Variants in TRAIP observed in about 807,000 individuals in gnomAD.
TRAIP encodes TRAF interacting protein.
In TRAIP, 37 loss-of-function variants were observed where a neutral mutation model predicts 65.0. The observed-to-expected ratio is 0.57, with a 90% CI of 0.44 to 0.75. The LOEUF is 0.75. TRAIP is among the 30% of genes least tolerant of loss of function. The pLI is 0.00. For synonymous variants in TRAIP, 187 were observed against 219.1 expected (o/e 0.85, Z 1.29); for missense variants, 481 against 579.4 (o/e 0.83, Z 1.74).
At chr3:49,840,039 G>A (rs1426372555) in intron 9 of TRAIP, among the ~76,000 whole-genome samples, 179 bp from the exon 10 acceptor site, 1 of 152,212 alleles carries the variant, frequency 6.6e-6, no homozygotes, top group Non-Finnish European at 1.5e-5. Flanking sequence ...TCTGATAAGG[G>A]ACCTCAGGGA....
At chr3:49,831,469 C>T (rs947196598) in intron 11 of TRAIP, among the ~76,000 whole-genome samples, 1 of 152,212 alleles carries the variant, frequency 6.6e-6, no homozygotes, top group Non-Finnish European at 1.5e-5. Context: ...TCATGCTTGC[C>T]CCTGTGGGTC....
intron 10 of TRAIP, among the ~76,000 whole-genome samples, chr3:49,833,730 C>T (rs910353130): frequency 1.3e-5 from 2 of 152,174 alleles, no homozygotes; most frequent in Non-Finnish European, 2.9e-5. Flanking sequence ...CTGCCCACCT[C>T]GGCCTCCCAA....
At chr3:49,832,700 C>CTGGGGGG (rs2081745257) in intron 10 of TRAIP, among the ~76,000 whole-genome samples, 1 of 6,096 alleles carries the variant, frequency 1.6e-4, no homozygotes, top group Non-Finnish European at 2.9e-4. Flanking sequence ...TTTTATAACA[C>CTGGGGGG]GGGGGGGGGG....
chr3:49,842,414 G>A (rs758351488), intron 6 of TRAIP, 39 bp downstream of exon 6: 1 of 1,595,094 alleles, frequency 6.3e-7, no homozygotes, highest in Non-Finnish European at 8.6e-7. Flanking sequence ...GCAGGCCCTG[G>A]GGGCAAAGGC....
chr3:49,835,710 T>C (rs1312439373), intron 10 of TRAIP, among the ~76,000 whole-genome samples: 1 of 151,812 alleles, frequency 6.6e-6, no homozygotes, highest in African/African-American at 2.4e-5. Context: ...GAGGCCGAGG[T>C]GGGTGGATCA....
intron 9 of TRAIP, 85 bp from the exon 10 acceptor site, chr3:49,839,945 G>T: frequency 2.2e-6 from 3 of 1,375,490 alleles, no homozygotes; most frequent in Non-Finnish European, 3.1e-6. Flanking sequence ...CAGCATGCAT[G>T]AAAGGCCAGC....
At chr3:49,854,647 T>G (rs1465031142) in intron 1 of TRAIP, among the ~76,000 whole-genome samples, 1 of 152,176 alleles carries the variant, frequency 6.6e-6, no homozygotes, top group East Asian at 1.9e-4. Context: ...CAGAATCGAC[T>G]AAAGACAATA....
intron 2 of TRAIP, 142 bp downstream of exon 2, chr3:49,848,001 G>T: frequency 1.1e-6 from 1 of 880,902 alleles, no homozygotes; most frequent in Non-Finnish European, 1.8e-6. Flanking sequence ...ACACTCAAGG[G>T]CACAAGTGAG....
Position 49,829,484 on chromosome 3 carries a change from C to A in TRAIP, c.1261G>T (p.Gly421Cys). Residue 421 changes from glycine to cysteine, a missense_variant, in exon 14 of 15, where the codon GGT (glycine) becomes TGT (cysteine). Transcript: ENST00000331456. ...GGCTGGATGAATTTTGTCCGGCCAC[C>A]GAGCCCATCGAAGCCTGTCCTTACC... ...DVVRTGFDGLGGRTKFIQPTD... is the reference protein window; with the variant it reads ...DVVRTGFDGLCGRTKFIQPTD... 1 of 1,614,154 alleles carries A rather than the reference C, an allele frequency of 6.2e-7. No homozygotes were observed.
chr3:49,828,892 C>T lies in TRAIP; in HGVS notation c.*211G>A. 1 of 600,678 alleles carries T rather than the reference C, an allele frequency of 1.7e-6. No individual in the cohort carries two copies. Among genetic ancestry groups the T allele is most frequent in the Non-Finnish European group, 2.9e-6 (1 of 340,394 alleles). The allele number at this position is 600,678 out of a possible 1,614,324, so 37.2% of individuals were successfully genotyped here. A position where few individuals can be genotyped will look rare whatever the true frequency, so the allele number is the denominator to read the frequency against. ...AGGACCTGCTGACAGGATCAGTGGG[C>T]TGGTCATGTCAGCTCCCAGTCGTAG... On this transcript the variant is annotated 3_prime_UTR_variant, in exon 15 of 15. Transcript: ENST00000331456.
intron 1 of TRAIP, 134 bp downstream of exon 1, chr3:49,856,222 G>A: frequency 2.7e-6 from 2 of 740,520 alleles, no homozygotes; most frequent in South Asian, 3.7e-5. Context: ...GGAAGCTCCC[G>A]TGGGGCCTCG....
chr3:49,841,085 C>T lies in TRAIP; in HGVS notation c.618-13G>A. ...ATTCTCGTACTCTCTGCAATGTGGCCATGGAAAGAGATGCCAGAAAAGAAC... is the reference window on the plus strand; with the variant it reads ...ATTCTCGTACTCTCTGCAATGTGGCTATGGAAAGAGATGCCAGAAAAGAAC... On this transcript the variant is annotated splice_polypyrimidine_tract_variant and intron_variant, in intron 7 of 14. Coordinates refer to ENST00000331456, the MANE Select transcript of TRAIP (RefSeq NM_005879.3). The T allele has an allele frequency of 6.2e-7, 1 of 1,613,142 alleles. No homozygotes were observed. Among genetic ancestry groups the T allele is most frequent in the Non-Finnish European group, 8.5e-7 (1 of 1,179,080 alleles).
intron 8 of TRAIP, 44 bp downstream of exon 8, chr3:49,840,941 A>G: frequency 6.3e-7 from 1 of 1,578,290 alleles, no homozygotes. Flanking sequence ...ACATGACAAA[A>G]GGAGAGCCAC....
At position 49,856,480 on chromosome 3, in the gene TRAIP, A is replaced by G. The variant is rs746949140; in HGVS notation, c.-27T>C. The G allele has an allele frequency of 1.9e-6, 3 of 1,603,942 alleles. No homozygotes were observed. The highest frequency in any genetic ancestry group is 2.6e-6 in the Non-Finnish European group (3 of 1,173,632). On this transcript the variant is annotated 5_prime_UTR_variant, in exon 1 of 15. Coordinates refer to ENST00000331456, the MANE Select transcript of TRAIP (RefSeq NM_005879.3). ...ATGGCTGGACTCAAGGGGCCCAGGC[A>G]GCCAAAGAAACTGCTACAGGTCCGG... is the stretch of plus-strand genomic sequence containing the variant.
chr3:49,849,075 C>T (rs1452529524), intron 1 of TRAIP, among the ~76,000 whole-genome samples: 2 of 152,062 alleles, frequency 1.3e-5, no homozygotes, highest in East Asian at 3.9e-4. Flanking sequence ...GAACTCCTGA[C>T]CTCAAGTGAT....
intron 1 of TRAIP, among the ~76,000 whole-genome samples, chr3:49,852,830 A>G (rs1037424129): frequency 6.6e-6 from 1 of 151,844 alleles, no homozygotes; most frequent in African/African-American, 2.4e-5. Context: ...GAATTTGTAA[A>G]AAGAAATTCG....
intron 10 of TRAIP, among the ~76,000 whole-genome samples, chr3:49,838,673 G>A (rs935752556): frequency 1.3e-5 from 2 of 152,070 alleles, no homozygotes; most frequent in Admixed American, 1.3e-4. Flanking sequence ...ATTGCTTGAG[G>A]TCAGGAGTTC....
intron 1 of TRAIP, among the ~76,000 whole-genome samples, chr3:49,851,116 C>T (rs912616333): frequency 8.6e-5 from 13 of 151,560 alleles, no homozygotes; most frequent in African/African-American, 2.9e-4. Context: ...TAGCTGGGAC[C>T]ACAGGCACAT....
chr3:49,837,687 T>A (rs1022926106), intron 10 of TRAIP, among the ~76,000 whole-genome samples: 1 of 148,928 alleles, frequency 6.7e-6, no homozygotes, highest in Non-Finnish European at 1.5e-5. Flanking sequence ...GGTCAAGCGA[T>A]TGTCCTGCCT....
Sources: allele counts gnomAD v4.1 joint callset (sites outside exome capture counted in the v4.1 genomes callset), GRCh38; gene constraint gnomAD v4.1.1; transcripts MANE v1.5; gene names NCBI Gene and HGNC (gene_info 2026-07-23, HGNC 2026-07-21).